The following PLEKHA1 variants were observed in gnomAD, a reference collection of about 807,000 sequenced individuals.
The protein encoded by PLEKHA1 is pleckstrin homology domain containing A1, also known as pleckstrin homology domain-containing family A member 1.
PLEKHA1 carries 34 observed loss-of-function variants against 52.0 expected under a neutral mutation model. The observed-to-expected ratio is 0.65, with a 90% CI of 0.50 to 0.87. The LOEUF is 0.87. Ranked by LOEUF, PLEKHA1 falls within the 40% of genes least tolerant of loss-of-function variation. The pLI is 0.00. For missense variants in PLEKHA1, 497 were observed against 504.2 expected (o/e 0.99, Z 0.14); for synonymous variants, 163 against 170.7 (o/e 0.95, Z 0.35).
At chr10:122,440,152 A>G in the PLEKHA1 span, 5 of 152,348 alleles carry the variant, frequency 3.3e-5, 1 homozygote, top group Admixed American at 3.3e-4. Context: ...GGTAGTACTC[A>G]GGTAACAGGA....
chr10:122,394,819 C>T (rs1021412510), intron 2 of PLEKHA1, among the ~76,000 whole-genome samples: 3 of 152,150 alleles, frequency 2.0e-5, no homozygotes, highest in African/African-American at 7.2e-5. Flanking sequence ...TATGGTTTCT[C>T]CTGAATTTTA....
chr10:122,415,186 G>A (rs1034240494), intron 6 of PLEKHA1, among the ~76,000 whole-genome samples: 1 of 152,120 alleles, frequency 6.6e-6, no homozygotes, highest in Non-Finnish European at 1.5e-5. Flanking sequence ...ATTATGCTGA[G>A]TGAAAAAAGA....
chr10:122,438,098 A>T, the PLEKHA1 span: 2 of 152,238 alleles, frequency 1.3e-5, no homozygotes, highest in Non-Finnish European at 2.9e-5. Context: ...TCTACAAAAA[A>T]TACAAAAATT....
intron 5 of PLEKHA1, chr10:122,412,402 T>C (rs2133044933): frequency 6.6e-6 from 1 of 152,590 alleles, no homozygotes; most frequent in South Asian, 2.1e-4. Context: ...AGTCTCTGTC[T>C]TGAAGCCAGG....
At chr10:122,424,317 G>A (rs2097307187) in intron 9 of PLEKHA1, 54 bp downstream of exon 9, 3 of 1,527,380 alleles carry the variant, frequency 2.0e-6, no homozygotes, top group Non-Finnish European at 1.8e-6. Context: ...ACAGAATAGT[G>A]CCTTAGTTTG....
At chr10:122,427,760 A>C (rs1034001030) in intron 11 of PLEKHA1, among the ~76,000 whole-genome samples, 5 of 152,244 alleles carry the variant, frequency 3.3e-5, no homozygotes, top group African/African-American at 1.2e-4. Context: ...CTCAGGTCTG[A>C]AAATTTAAAG....
rs577298607 is a variant in PLEKHA1 at position 122,424,850 on chromosome 10, TCAAA to T, written c.747-42_747-39del. 1.2e-3 allele frequency: 1,769 copies of T among 1,521,388 alleles called. 5 individuals carry two copies. Among genetic ancestry groups the T allele is most frequent in the South Asian group, 4.7e-3 (400 of 85,824 alleles). 94.2% of individuals were successfully genotyped at this position (1,521,388 alleles called of 1,614,324 possible). A position where few individuals can be genotyped will look rare whatever the true frequency, so the allele number is the denominator to read the frequency against. ...CTGGGTAAACAAATGAAAGAGAAAC[TCAAA>T]CAACTGCTATTTAAGTATAATTGGA... On this transcript the variant is annotated intron_variant, in intron 9 of 11. Transcript: ENST00000368990.
Position 122,415,934 on chromosome 10 carries a change from T to C in PLEKHA1, c.544T>C (p.Phe182Leu). 6.2e-7 allele frequency: 1 copy of C among 1,613,622 alleles called. No homozygotes were observed. The highest frequency in any genetic ancestry group is 2.2e-5 in the East Asian group (1 of 44,832). Reference protein sequence around the residue: ...LKRSQSHLPYFTPKPPQDSAV... With the variant: ...LKRSQSHLPYLTPKPPQDSAV... ...ACGGTCACAAAGCCATCTTCCTTACTTTACTCCTAAACCACCTCAAGATAG... is the reference window on the plus strand; with the variant it reads ...ACGGTCACAAAGCCATCTTCCTTACCTTACTCCTAAACCACCTCAAGATAG... The change falls in exon 7 of 12, where the codon TTT (phenylalanine) becomes CTT (leucine). Residue 182 changes from phenylalanine to leucine, a missense_variant. Phe to Leu is a conservative substitution (Grantham distance 22). Coordinates refer to ENST00000368990, the MANE Select transcript of PLEKHA1 (RefSeq NM_001001974.4).
At chr10:122,410,242 A>G (rs2097089240) in intron 5 of PLEKHA1, among the ~76,000 whole-genome samples, 1 of 152,206 alleles carries the variant, frequency 6.6e-6, no homozygotes, top group African/African-American at 2.4e-5. Flanking sequence ...TCCTACTATT[A>G]GAATTTCCTA....
At chr10:122,387,693 G>C (rs982477955) in intron 1 of PLEKHA1, 2 of 152,172 alleles carry the variant, frequency 1.3e-5, no homozygotes, top group African/African-American at 4.8e-5. Context: ...GTCATCTGAA[G>C]GCTTGACTGG....
At chr10:122,399,138 T>G (rs182539862) in intron 3 of PLEKHA1, among the ~76,000 whole-genome samples, 5 of 152,180 alleles carry the variant, frequency 3.3e-5, no homozygotes, top group Non-Finnish European at 5.9e-5. Context: ...TACTCTACTT[T>G]GGACGTACCA....
chr10:122,434,414 C>T (rs894857559), downstream of PLEKHA1: 2 of 152,038 alleles, frequency 1.3e-5, no homozygotes, highest in African/African-American at 4.8e-5. Flanking sequence ...GGCATCCTGG[C>T]GCCTGTCTTC....
At chr10:122,402,167 A>G (rs2096938648) in intron 4 of PLEKHA1, among the ~76,000 whole-genome samples, 1 of 152,210 alleles carries the variant, frequency 6.6e-6, no homozygotes, top group South Asian at 2.1e-4. Context: ...ACTTACAGGA[A>G]TAGTAACATA....
At chr10:122,429,526 G>T (rs79043877) in intron 11 of PLEKHA1, 98 bp from the exon 12 acceptor site, 3 of 786,272 alleles carry the variant, frequency 3.8e-6, no homozygotes, top group Non-Finnish European at 5.9e-6. Context: ...GTGTGTGTGT[G>T]TGTGTTTTAT....
At chr10:122,381,124 T>G (rs1157153578) in intron 1 of PLEKHA1, among the ~76,000 whole-genome samples, 3 of 152,200 alleles carry the variant, frequency 2.0e-5, no homozygotes, top group Non-Finnish European at 2.9e-5. Context: ...AATAAATGTT[T>G]TAATGGGATC....
intron 5 of PLEKHA1, chr10:122,411,804 C>A (rs1210715074): frequency 6.8e-6 from 1 of 146,834 alleles, no homozygotes; most frequent in African/African-American, 2.7e-5. Flanking sequence ...ACTCTATTAA[C>A]AGGAATTAGC....
Position 122,406,570 on chromosome 10 carries a change from C to T in PLEKHA1, c.245-6C>T, listed in dbSNP as rs776442495. 26 of 1,602,174 alleles carry T rather than the reference C, an allele frequency of 1.6e-5. No homozygotes were observed. In the East Asian group the frequency reaches 5.4e-4, roughly 33 times the overall value. On this transcript the variant is annotated splice_polypyrimidine_tract_variant and splice_region_variant and intron_variant, in intron 4 of 11. Transcript: ENST00000368990. Reference sequence around the variant, plus strand: ...TATTTGGTGTGTTATTTTTTTCTGTCAACAGTTATGAATGCAGGAATGAGG... The same window carrying T: ...TATTTGGTGTGTTATTTTTTTCTGTTAACAGTTATGAATGCAGGAATGAGG...
intron 7 of PLEKHA1, among the ~76,000 whole-genome samples, chr10:122,416,360 A>C (rs7921860): frequency 1.5e-4 from 23 of 152,088 alleles, no homozygotes; most frequent in Middle Eastern, 3.4e-3. Context: ...GCGGCAGGAG[A>C]AGGAGTGGTG....
chr10:122,383,313 G>GTTTTTTTTTTTT (rs58485855), intron 1 of PLEKHA1, among the ~76,000 whole-genome samples: 1 of 128,390 alleles, frequency 7.8e-6, no homozygotes, highest in Non-Finnish European at 1.6e-5. Context: ...CTTTCTTTCT[G>GTTTTTTTTTTTT]TTTTTTTTTT....
Sources: allele counts gnomAD v4.1 joint callset (sites outside exome capture counted in the v4.1 genomes callset), GRCh38; gene constraint gnomAD v4.1.1; transcripts MANE v1.5; gene names NCBI Gene and HGNC (gene_info 2026-07-23, HGNC 2026-07-21).